The following UBAC1 variants were observed in gnomAD, a reference collection of about 807,000 sequenced individuals.
UBAC1 encodes UBA domain containing 1.
UBAC1 carries 27 observed loss-of-function variants against 45.9 expected under a neutral mutation model. The ratio of observed to expected loss-of-function variants is 0.59; its 90% CI spans 0.43 to 0.81. The LOEUF is 0.81. UBAC1 is among the 30% of genes least tolerant of loss of function. The probability of loss-of-function intolerance (pLI) is 0.00; values close to 1 mark genes in which losing one functional copy is unlikely to be tolerated. For synonymous variants in UBAC1, 227 were observed against 215.5 expected (o/e 1.05, Z -0.47); for missense variants, 529 against 539.2 (o/e 0.98, Z 0.19).
rs144794687 is a variant in UBAC1, at chr9:135,935,110, T to C, written c.1103-1595A>G. Among the ~76,000 whole-genome samples the C allele has an allele frequency of 8.4e-3, 1,279 of 152,248 alleles. 12 individuals are homozygous for C. Among genetic ancestry groups the C allele is most frequent in the Admixed American group, 0.015 (233 of 15,284 alleles). ...GGAGGTCCTGCTATGTTACCCAGGC[T>C]GGTCTCGAACTCCTGAGCTCAAGTG... On this transcript the variant is annotated intron_variant, in intron 9 of 9. Coordinates refer to ENST00000371756, the MANE Select transcript of UBAC1 (RefSeq NM_016172.3).
At chr9:135,958,028 C>T (rs1272775212) in intron 1 of UBAC1, among the ~76,000 whole-genome samples, 1 of 147,560 alleles carries the variant, frequency 6.8e-6, no homozygotes, top group Non-Finnish European at 1.5e-5. Flanking sequence ...AAAAACTCTA[C>T]TGCACCACAG....
In UBAC1 at chr9:135,955,421, G is replaced by A. The variant is rs763427370; in HGVS notation, c.139-6C>T. 3.3e-6 allele frequency: 5 copies of A among 1,530,422 alleles called. No homozygotes were observed. Among genetic ancestry groups the A allele is most frequent in the African/African-American group, 2.8e-5 (2 of 70,884 alleles). 94.8% of individuals were successfully genotyped at this position (1,530,422 alleles called of 1,614,324 possible). On this transcript the variant is annotated splice_region_variant and splice_polypyrimidine_tract_variant and intron_variant, in intron 1 of 9. Transcript: ENST00000371756. ...TCTAAGCTCCCATGAGCACACTGGG[G>A]AAAAATAGAAATTTCAAGGTAGAAA...
At chr9:135,953,596 G>T in intron 3 of UBAC1, 84 bp downstream of exon 3, 1 of 1,240,284 alleles carries the variant, frequency 8.1e-7, no homozygotes, top group Non-Finnish European at 1.2e-6. Flanking sequence ...GGGATTACAG[G>T]CGCGAGCCAC....
intron 1 of UBAC1, among the ~76,000 whole-genome samples, chr9:135,958,151 A>G (rs961767728): frequency 1.9e-4 from 28 of 149,758 alleles, no homozygotes; most frequent in African/African-American, 6.4e-4. Flanking sequence ...GGTTCACACC[A>G]TTCTCCTGTC....
chr9:135,947,823 G>T lies in UBAC1; in HGVS notation c.416C>A (p.Ala139Asp). Residue 139 changes from alanine to aspartate, a missense_variant, in exon 4 of 10, where the codon GCC becomes GAC. Transcript: ENST00000371756. ...GTCTCTCATGTTGGTCTGGACCGCG[G>T]CCCGGTCCATGTTGTAGGAGGGCAG... ...ANLPSYNMDRAAVQTNMRDFQ... is the reference protein window; with the variant it reads ...ANLPSYNMDRDAVQTNMRDFQ... 1 of 1,614,022 alleles carries T rather than the reference G, an allele frequency of 6.2e-7. No individual in the cohort carries two copies. Among genetic ancestry groups the T allele is most frequent in the Non-Finnish European group, 8.5e-7 (1 of 1,179,962 alleles).
chr9:135,936,870 C>A (rs530073163), intron 9 of UBAC1, among the ~76,000 whole-genome samples: 40 of 152,150 alleles, frequency 2.6e-4, no homozygotes, highest in Non-Finnish European at 4.3e-4. Flanking sequence ...CGGGATTCTG[C>A]CCATCAGTGT....
chr9:135,960,891 C>G (rs1025394817), intron 1 of UBAC1, 134 bp downstream of exon 1: 1 of 753,954 alleles, frequency 1.3e-6, no homozygotes, highest in Non-Finnish European at 1.9e-6. Context: ...GCCTCCACCC[C>G]CGGAGGAGAG....
chr9:135,945,144 C>T lies in UBAC1; in HGVS notation c.760G>A (p.Ala254Thr), dbSNP rs1243180992. Residue 254 changes from alanine to threonine, a missense_variant, in exon 7 of 10, where the codon GCA becomes ACA. Ala to Thr is a moderately conservative substitution (Grantham distance 58). Coordinates refer to ENST00000371756, the MANE Select transcript of UBAC1 (RefSeq NM_016172.3). ...CCCGCGGCAGCCTCGGAGGCAGCTGCTGTGGCCCCCTCGGCCTCTGGGGGA... is the reference window on the plus strand; with the variant it reads ...CCCGCGGCAGCCTCGGAGGCAGCTGTTGTGGCCCCCTCGGCCTCTGGGGGA... ...QAPPEAEGAT[A>T]AASEAAAGAS... The T allele has an allele frequency of 1.9e-6, 3 of 1,613,824 alleles. No homozygotes were observed. Among genetic ancestry groups the T allele is most frequent in the Non-Finnish European group, 2.5e-6 (3 of 1,179,958 alleles).
chr9:135,941,331 G>C (rs1230840399), intron 7 of UBAC1, among the ~76,000 whole-genome samples: 1 of 152,160 alleles, frequency 6.6e-6, no homozygotes, highest in Admixed American at 6.5e-5. Flanking sequence ...GCTTGAACCT[G>C]GGAAGTGGAG....
intron 1 of UBAC1, 118 bp downstream of exon 1, chr9:135,960,907 G>A: frequency 1.1e-6 from 1 of 903,752 alleles, no homozygotes; most frequent in South Asian, 2.0e-5. Context: ...GAGAGGGCCT[G>A]GGAGCTGCGG....
At chr9:135,954,275 A>G (rs1839441020) in intron 2 of UBAC1, among the ~76,000 whole-genome samples, 1 of 151,908 alleles carries the variant, frequency 6.6e-6, no homozygotes, top group Non-Finnish European at 1.5e-5. Flanking sequence ...GCGAGACCCC[A>G]TCTCTACGAA....
At chr9:135,953,896 T>C (rs1318259361) in intron 2 of UBAC1, 143 bp from the exon 3 acceptor site, 1 of 518,836 alleles carries the variant, frequency 1.9e-6, no homozygotes. Context: ...CCCAGCACTT[T>C]GGGAGGCTGA....
At chr9:135,933,856 C>T (rs1839175360) in intron 9 of UBAC1, among the ~76,000 whole-genome samples, 1 of 152,186 alleles carries the variant, frequency 6.6e-6, no homozygotes, top group Non-Finnish European at 1.5e-5. Flanking sequence ...TCCAATCCCA[C>T]CCCGAGAAGG....
intron 2 of UBAC1, among the ~76,000 whole-genome samples, chr9:135,954,984 C>G (rs1839449340): frequency 6.6e-6 from 1 of 152,222 alleles, no homozygotes; most frequent in Non-Finnish European, 1.5e-5. Flanking sequence ...ATCACCACAA[C>G]GAAGGTGAAA....
At chr9:135,946,149 C>T in intron 5 of UBAC1, 120 bp downstream of exon 5, 1 of 1,015,094 alleles carries the variant, frequency 9.9e-7, no homozygotes, top group Non-Finnish European at 1.5e-6. Flanking sequence ...GCCCCAGGCC[C>T]TCATCAGCGC....
At chr9:135,952,162 C>T (rs1839413311) in intron 3 of UBAC1, among the ~76,000 whole-genome samples, 1 of 152,232 alleles carries the variant, frequency 6.6e-6, no homozygotes, top group Non-Finnish European at 1.5e-5. Context: ...GTCACTCATG[C>T]GTGGCCAGGT....
rs1328176908 is a variant in UBAC1, at chr9:135,933,465, C to T, written c.1153G>A (p.Asp385Asn). The change falls in exon 10 of 10, where the codon GAT (aspartate) becomes AAT (asparagine). Residue 385 changes from aspartate (D) to asparagine (N), a missense_variant. By Grantham distance (23) the Asp-to-Asn change is conservative. Coordinates refer to ENST00000371756, the MANE Select transcript of UBAC1 (RefSeq NM_016172.3). ...NPLNSTQWMN[D>N]PETGPVMLQI... The stretch of plus-strand genomic sequence containing the variant: ...AGCATGACAGGCCCCGTTTCTGGAT[C>T]ATTCATCCACTGGGTGCTGTTCAGT... 1 of 1,614,160 alleles carries T rather than the reference C, an allele frequency of 6.2e-7. No homozygotes were observed. The highest frequency in any genetic ancestry group is 2.2e-5 in the East Asian group (1 of 44,892).
At chr9:135,954,593 C>A (rs945610713) in intron 2 of UBAC1, among the ~76,000 whole-genome samples, 1 of 152,232 alleles carries the variant, frequency 6.6e-6, no homozygotes, top group Non-Finnish European at 1.5e-5. Context: ...AGGAGGCAGG[C>A]ACAGCACGGC....
chr9:135,945,529 G>A (rs924347335), intron 6 of UBAC1: 6 of 507,584 alleles, frequency 1.2e-5, no homozygotes, highest in African/African-American at 5.8e-5. Context: ...ACCACAGGGG[G>A]AACTGCCCCC....
Sources: gnomAD v4.1 joint callset for allele counts (sites outside exome capture counted in the v4.1 genomes callset) on GRCh38, gnomAD v4.1.1 for gene constraint, MANE v1.5 for transcripts, NCBI Gene and HGNC (gene_info 2026-07-23, HGNC 2026-07-21) for gene names.